ANO3: variants seen among roughly 807,000 people sequenced by gnomAD.
The protein encoded by ANO3 is anoctamin-3.
ANO3 carries 99 observed loss-of-function variants against 144.8 expected under a neutral mutation model. The observed-to-expected ratio is 0.68, with a 90% CI of 0.58 to 0.81. The LOEUF (loss-of-function observed/expected upper bound fraction) is 0.81. ANO3 is among the 30% of genes least tolerant of loss of function. The pLI is 0.00. For synonymous variants in ANO3, 414 were observed against 392.6 expected (o/e 1.05, Z -0.64); for missense variants, 905 against 1,202.2 (o/e 0.75, Z 3.66).
intron 1 of ANO3, among the ~76,000 whole-genome samples, chr11:26,200,723 A>G (rs1851677256): frequency 6.6e-6 from 1 of 152,152 alleles, no homozygotes; most frequent in Non-Finnish European, 1.5e-5. Context: ...TAGCAAAAGA[A>G]AGTTGCATAA....
chr11:26,227,273 G>A (rs1852275943), intron 1 of ANO3, among the ~76,000 whole-genome samples: 1 of 152,084 alleles, frequency 6.6e-6, no homozygotes, highest in African/African-American at 2.4e-5. Context: ...TTATATTATT[G>A]AAAATTTATA....
intron 1 of ANO3, among the ~76,000 whole-genome samples, chr11:26,262,675 G>A (rs978394719): frequency 2.0e-5 from 3 of 151,508 alleles, no homozygotes; most frequent in Non-Finnish European, 2.9e-5. Flanking sequence ...GCATTAGGTC[G>A]GAAAGGTAGA....
At chr11:26,542,295 G>A (rs528006950) in intron 11 of ANO3, among the ~76,000 whole-genome samples, 51 of 152,016 alleles carry the variant, frequency 3.4e-4, no homozygotes, top group Non-Finnish European at 5.4e-4. Context: ...ATGAGCAACA[G>A]CAAAAAATTA....
At chr11:26,334,511 CTG>C (rs1326238639) in intron 1 of ANO3, among the ~76,000 whole-genome samples, 1 of 152,204 alleles carries the variant, frequency 6.6e-6, no homozygotes, top group Non-Finnish European at 1.5e-5. Context: ...TAGTGGAACT[CTG>C]TACTCCTAGG....
At chr11:26,414,629 T>C (rs1857523258) in intron 1 of ANO3, among the ~76,000 whole-genome samples, 1 of 151,566 alleles carries the variant, frequency 6.6e-6, no homozygotes, top group African/African-American at 2.4e-5. Context: ...TTAGGACAAA[T>C]ACCTAATGCT....
chr11:26,242,488 G>A (rs762841962), intron 1 of ANO3, among the ~76,000 whole-genome samples: 1 of 152,040 alleles, frequency 6.6e-6, no homozygotes, highest in Non-Finnish European at 1.5e-5. Context: ...CAATTCTGTA[G>A]CCCTTACTTT....
intron 4 of ANO3, among the ~76,000 whole-genome samples, chr11:26,497,586 C>A (rs2134118024): frequency 6.6e-6 from 1 of 152,128 alleles, no homozygotes; most frequent in East Asian, 1.9e-4. Context: ...GCACTAGTAT[C>A]TTAGGAATAT....
At chr11:26,598,316 G>A in intron 14 of ANO3, 49 bp from the exon 15 acceptor site, 1 of 971,406 alleles carries the variant, frequency 1.0e-6, no homozygotes, top group Non-Finnish European at 1.5e-6. Flanking sequence ...AAGAAGAAAA[G>A]CAATATGATG....
intron 18 of ANO3, among the ~76,000 whole-genome samples, chr11:26,631,282 A>G (rs922414980): frequency 2.0e-5 from 3 of 151,946 alleles, no homozygotes; most frequent in African/African-American, 7.2e-5. Context: ...AAAACATTTT[A>G]TTGTTTATTT....
At chr11:26,295,041 G>A (rs1426181704) in intron 1 of ANO3, among the ~76,000 whole-genome samples, 3 of 151,954 alleles carry the variant, frequency 2.0e-5, no homozygotes, top group South Asian at 2.1e-4. Flanking sequence ...TGGGACTATA[G>A]GCGTGCACCC....
At chr11:26,441,106 GTTTTT>G (rs1022676698) in intron 1 of ANO3, among the ~76,000 whole-genome samples, 7 of 86,548 alleles carry the variant, frequency 8.1e-5, no homozygotes, top group East Asian at 3.8e-4. Context: ...TTGCTGCCCA[GTTTTT>G]TTTTTTTTTT....
At chr11:26,488,701 G>T (rs1860571506) in intron 4 of ANO3, among the ~76,000 whole-genome samples, 1 of 152,180 alleles carries the variant, frequency 6.6e-6, no homozygotes, top group Non-Finnish European at 1.5e-5. Context: ...GAATGAAGCT[G>T]CAGACCTTCG....
chr11:26,544,876 T>TA (rs1227121856), intron 11 of ANO3, among the ~76,000 whole-genome samples: 1 of 151,940 alleles, frequency 6.6e-6, no homozygotes, highest in Non-Finnish European at 1.5e-5. Context: ...TTTTTTTTCT[T>TA]AAAAAATTAT....
At chr11:26,512,758 G>A (rs11029595) in intron 5 of ANO3, among the ~76,000 whole-genome samples, 20,398 of 152,106 alleles carry the variant, frequency 0.13, 1,758 homozygotes, top group South Asian at 0.27. Flanking sequence ...ACATCCTAGA[G>A]GTTGAGAGTA....
At chr11:26,453,989 C>T (rs1480236558) in intron 3 of ANO3, among the ~76,000 whole-genome samples, 12 of 151,992 alleles carry the variant, frequency 7.9e-5, no homozygotes, top group East Asian at 3.9e-4. Context: ...GGGTATATAA[C>T]GAAATGAAGG....
chr11:26,644,217 C>T (rs1853266739), intron 23 of ANO3, among the ~76,000 whole-genome samples: 1 of 152,202 alleles, frequency 6.6e-6, no homozygotes, highest in Non-Finnish European at 1.5e-5. Context: ...ATTAAGTTTA[C>T]ATCCAATATG....
At chr11:26,337,222 T>C (rs1296259539) in intron 1 of ANO3, among the ~76,000 whole-genome samples, 1 of 152,218 alleles carries the variant, frequency 6.6e-6, no homozygotes, top group Non-Finnish European at 1.5e-5. Context: ...CTCAGATGGC[T>C]CAGAGGAATT....
chr11:26,657,850 T>A (rs574002548), intron 26 of ANO3, among the ~76,000 whole-genome samples: 11 of 152,342 alleles, frequency 7.2e-5, no homozygotes, highest in African/African-American at 2.6e-4. Flanking sequence ...CGTATGATAT[T>A]TCATCAAATG....
chr11:26,321,283 G>T (rs118172266), intron 1 of ANO3, among the ~76,000 whole-genome samples: 1 of 151,650 alleles, frequency 6.6e-6, no homozygotes, highest in African/African-American at 2.4e-5. Context: ...ATAGACTTCC[G>T]TAACATTTTT....
Sources: allele counts gnomAD v4.1 joint callset (sites outside exome capture counted in the v4.1 genomes callset), GRCh38; gene constraint gnomAD v4.1.1; transcripts MANE v1.5; gene names NCBI Gene and HGNC (gene_info 2026-07-23, HGNC 2026-07-21).